The following NXPH1 variants were observed in gnomAD, a reference collection of about 807,000 sequenced individuals.
NXPH1 encodes the protein neurexophilin-1.
In NXPH1, 5 loss-of-function variants were observed where a neutral mutation model predicts 23.7. The observed-to-expected ratio is 0.21, with a 90% CI of 0.11 to 0.44. The LOEUF is 0.44. Among genes scored for constraint, NXPH1 ranks in the 20% least tolerant of loss-of-function variants. NXPH1 has a pLI of 0.99. For missense variants in NXPH1, 324 were observed against 321.6 expected (o/e 1.01, Z -0.06); for synonymous variants, 144 against 122.2 (o/e 1.18, Z -1.18).
Position 8,519,743 on chromosome 7 carries a change from C to G in NXPH1, c.54+83976C>G, listed in dbSNP as rs115984507. Among the ~76,000 whole-genome samples the G allele has an allele frequency of 2.1e-3, 324 of 152,044 alleles. 1 individual carries two copies. Among genetic ancestry groups the G allele is most frequent in the African/African-American group, 7.0e-3 (290 of 41,460 alleles). On this transcript the variant is annotated intron_variant, in intron 2 of 2. Coordinates refer to ENST00000405863, the MANE Select transcript of NXPH1 (RefSeq NM_152745.3). ...GCCATGCATGGGCTGAAGGATGTTG[C>G]AGTAGAGAAAAATAAGAAGGCAAAC...
At chr7:8,725,597 C>T (rs1780038480) in intron 2 of NXPH1, among the ~76,000 whole-genome samples, 2 of 151,936 alleles carry the variant, frequency 1.3e-5, no homozygotes, top group African/African-American at 4.8e-5. Flanking sequence ...TATTTATTTA[C>T]TTAATGTAAA....
chr7:8,451,841 T>G (rs1189780784), intron 2 of NXPH1, among the ~76,000 whole-genome samples: 2 of 152,236 alleles, frequency 1.3e-5, no homozygotes, highest in African/African-American at 4.8e-5. Context: ...GATTGCTGCA[T>G]AGGCAAGAAG....
At chr7:8,605,009 T>A (rs531127969) in intron 2 of NXPH1, among the ~76,000 whole-genome samples, 1 of 152,266 alleles carries the variant, frequency 6.6e-6, no homozygotes, top group East Asian at 1.9e-4. Flanking sequence ...TGTACATCAT[T>A]GCTAATTGTC....
intron 2 of NXPH1, among the ~76,000 whole-genome samples, chr7:8,616,044 C>T (rs1819728671): frequency 6.6e-6 from 1 of 152,046 alleles, no homozygotes; most frequent in Non-Finnish European, 1.5e-5. Context: ...TATTAGATCT[C>T]TGCTCAAATC....
chr7:8,449,455 G>GT (rs1034713416), intron 2 of NXPH1, among the ~76,000 whole-genome samples: 1 of 152,140 alleles, frequency 6.6e-6, no homozygotes, highest in Non-Finnish European at 1.5e-5. Flanking sequence ...TTAACATGGA[G>GT]TTTTTTCCAT....
intron 2 of NXPH1, among the ~76,000 whole-genome samples, chr7:8,695,413 AAG>A (rs1821292590): frequency 2.0e-5 from 3 of 151,612 alleles, no homozygotes; most frequent in African/African-American, 7.3e-5. Context: ...GTTTGTTTAC[AAG>A]AGTTATTATG....
At chr7:8,616,942 G>A (rs1446803536) in intron 2 of NXPH1, among the ~76,000 whole-genome samples, 6 of 151,974 alleles carry the variant, frequency 3.9e-5, no homozygotes, top group African/African-American at 7.2e-5. Context: ...TTAGGAGTTC[G>A]TTATAGTAGT....
chr7:8,539,087 G>A (rs1052536437), intron 2 of NXPH1, among the ~76,000 whole-genome samples: 10 of 151,810 alleles, frequency 6.6e-5, no homozygotes, highest in African/African-American at 2.4e-4. Flanking sequence ...CACAGACAAA[G>A]TTATGCAAAC....
intron 2 of NXPH1, among the ~76,000 whole-genome samples, chr7:8,618,599 A>T (rs75900044): frequency 6.6e-6 from 1 of 152,162 alleles, no homozygotes; most frequent in African/African-American, 2.4e-5. Context: ...GCAATGAGAC[A>T]TTCCTGAGGC....
At chr7:8,608,671 T>A (rs1039036440) in intron 2 of NXPH1, among the ~76,000 whole-genome samples, 1 of 152,108 alleles carries the variant, frequency 6.6e-6, no homozygotes, top group African/African-American at 2.4e-5. Context: ...AAACATTGAC[T>A]TTTTTGTGCG....
rs545626972 is a variant in NXPH1 at position 8,585,327 on chromosome 7, C to G, written c.54+149560C>G. Among the ~76,000 whole-genome samples the G allele has an allele frequency of 4.3e-5, 6 of 139,240 alleles. No individual in the cohort carries two copies. In the South Asian group the frequency reaches 1.2e-3, roughly 28 times the overall value. The allele number at this position is 139,240 out of a possible 152,430, so 91.3% of individuals were successfully genotyped here. On this transcript the variant is annotated intron_variant, in intron 2 of 2. Coordinates refer to ENST00000405863, the MANE Select transcript of NXPH1 (RefSeq NM_152745.3). ...TCCAAATGAGGTATGCTTGCTCTGCCTGGGAGTGGGGAGTTCAACTGAAGC... is the reference window on the plus strand; with the variant it reads ...TCCAAATGAGGTATGCTTGCTCTGCGTGGGAGTGGGGAGTTCAACTGAAGC...
At chr7:8,437,894 T>C (rs1245781778) in intron 2 of NXPH1, among the ~76,000 whole-genome samples, 1 of 152,236 alleles carries the variant, frequency 6.6e-6, no homozygotes, top group East Asian at 1.9e-4. Context: ...CAATACGAAA[T>C]GTGAACAATA....
At chr7:8,641,537 GACA>G (rs1266114819) in intron 2 of NXPH1, among the ~76,000 whole-genome samples, 1 of 152,062 alleles carries the variant, frequency 6.6e-6, no homozygotes, top group African/African-American at 2.4e-5. Flanking sequence ...CACCCCCAGA[GACA>G]ACAATTTTCA....
chr7:8,561,262 T>G (rs938150778), intron 2 of NXPH1, among the ~76,000 whole-genome samples: 3 of 151,284 alleles, frequency 2.0e-5, no homozygotes, highest in Non-Finnish European at 4.4e-5. Context: ...CGCTCACAAC[T>G]GCTGAGCTAG....
intron 2 of NXPH1, among the ~76,000 whole-genome samples, chr7:8,695,134 G>A (rs1247452787): frequency 6.6e-6 from 1 of 152,128 alleles, no homozygotes; most frequent in Non-Finnish European, 1.5e-5. Flanking sequence ...TATTAAATCT[G>A]GAATTAGAAT....
intron 2 of NXPH1, among the ~76,000 whole-genome samples, chr7:8,590,135 A>G (rs933169752): frequency 1.3e-5 from 2 of 152,086 alleles, no homozygotes; most frequent in African/African-American, 4.8e-5. Flanking sequence ...TTGGAGGTTG[A>G]CTATGTTGGG....
At chr7:8,477,618 G>T (rs1213862585) in intron 2 of NXPH1, among the ~76,000 whole-genome samples, 1 of 151,802 alleles carries the variant, frequency 6.6e-6, no homozygotes, top group Non-Finnish European at 1.5e-5. Flanking sequence ...CGTAATTCTA[G>T]ATTTAATGGC....
At chr7:8,495,600 G>C (rs141600771) in intron 2 of NXPH1, among the ~76,000 whole-genome samples, 1 of 152,070 alleles carries the variant, frequency 6.6e-6, no homozygotes, top group East Asian at 1.9e-4. Context: ...AGGGTCTATG[G>C]AGAAGGAAGA....
At chr7:8,465,320 A>G (rs989151049) in intron 2 of NXPH1, among the ~76,000 whole-genome samples, 1 of 152,220 alleles carries the variant, frequency 6.6e-6, no homozygotes, top group African/African-American at 2.4e-5. Flanking sequence ...TAAAGAATTT[A>G]GAATAGTGGA....
Sources: allele counts gnomAD v4.1 joint callset (sites outside exome capture counted in the v4.1 genomes callset), GRCh38; gene constraint gnomAD v4.1.1; transcripts MANE v1.5; gene names NCBI Gene and HGNC (gene_info 2026-07-23, HGNC 2026-07-21).